The following RNF213 variants were observed in gnomAD, a reference collection of about 807,000 sequenced individuals.
RNF213 encodes the protein ring finger protein 213.
A neutral mutation model predicts 514.4 loss-of-function variants in RNF213; 341 were observed. The ratio of observed to expected loss-of-function variants is 0.66; its 90% CI spans 0.61 to 0.73. RNF213 has a LOEUF of 0.73. Ranked by LOEUF, RNF213 falls within the 30% of genes least tolerant of loss-of-function variation. The pLI is 0.00. For synonymous variants in RNF213, 2,655 were observed against 2,658.2 expected (o/e 1.00, Z 0.04); for missense variants, 5,767 against 6,615.6 (o/e 0.87, Z 4.45).
intron 15 of RNF213, among the ~76,000 whole-genome samples, chr17:80,314,121 A>T (rs200460613): frequency 1.8e-3 from 46 of 26,188 alleles, no homozygotes; most frequent in African/African-American, 6.5e-3. Context: ...GGTGGTGGTG[A>T]AGGTGATGGT....
At position 80,328,361 on chromosome 17, in the gene RNF213, G is replaced by A; in HGVS notation, c.3401G>A (p.Cys1134Tyr). 1.3e-6 allele frequency: 2 copies of A among 1,537,100 alleles called. No homozygotes were observed. Among genetic ancestry groups the A allele is most frequent in the South Asian group, 1.2e-5 (1 of 84,056 alleles). ...EKSLSPQDEQ[C>Y]AVEEALDWRR... is the part of the protein sequence containing the mutation. ...AGTCTTTCACCCCAGGATGAACAATGTGCTGTGGAGGAAGCACTGGATTGG... is the reference window on the plus strand; with the variant it reads ...AGTCTTTCACCCCAGGATGAACAATATGCTGTGGAGGAAGCACTGGATTGG... Residue 1134 changes from cysteine to tyrosine, a missense_variant, in exon 20 of 68, where the codon TGT becomes TAT. Physicochemically the swap from Cys to Tyr is radical, Grantham distance 194. Coordinates refer to ENST00000582970, the MANE Select transcript of RNF213 (RefSeq NM_001256071.3).
intron 37 of RNF213, among the ~76,000 whole-genome samples, chr17:80,359,692 C>A (rs1367449596): frequency 1.3e-5 from 2 of 152,132 alleles, no homozygotes; most frequent in Non-Finnish European, 2.9e-5. Context: ...ATTTAAAAGA[C>A]AAGGCGCTGC....
intron 16 of RNF213, among the ~76,000 whole-genome samples, chr17:80,318,965 G>A (rs189616288): frequency 6.6e-6 from 1 of 152,266 alleles, no homozygotes; most frequent in Admixed American, 6.5e-5. Flanking sequence ...TTGCAAGCCA[G>A]GTGCTTTTTC....
In RNF213 at chr17:80,273,257, C is replaced by G; in HGVS notation, c.114C>G (p.Asn38Lys). The change falls in exon 3 of 68, where the codon AAC (asparagine) becomes AAG (lysine). Residue 38 changes from asparagine to lysine, a missense_variant. Physicochemically the swap from Asn to Lys is moderately conservative, Grantham distance 94 (BLOSUM62 0). This residue lies in a region of RNF213 where 509 missense variants were observed against 496.7 expected (regional missense o/e 1.02). Coordinates refer to ENST00000582970, the MANE Select transcript of RNF213 (RefSeq NM_001256071.3). ...CCGTTACAGATTCTGAGAACAATAA[C>G]TCCACAATGGCGTCGGCCTCGGAGG... Reference protein sequence around the residue: ...AAPIADSENNNSTMASASEGE... With the variant: ...AAPIADSENNKSTMASASEGE... 6.2e-7 allele frequency: 1 copy of G among 1,613,652 alleles called. No homozygotes were observed. The highest frequency in any genetic ancestry group is 8.5e-7 in the Non-Finnish European group (1 of 1,179,974).
intron 1 of RNF213, among the ~76,000 whole-genome samples, chr17:80,262,862 G>C (rs999592928): frequency 6.6e-6 from 1 of 152,194 alleles, no homozygotes; most frequent in African/African-American, 2.4e-5. Context: ...CCTCCTGGCT[G>C]CTGAAGGCAC....
At chr17:80,366,570 T>C (rs74980179) in intron 42 of RNF213, among the ~76,000 whole-genome samples, 1,556 of 152,338 alleles carry the variant, frequency 0.01, 40 homozygotes, top group African/African-American at 0.035. Context: ...TGCCCATTTT[T>C]GAATTGGGTT....
At chr17:80,278,334 C>T (rs2044143206) in intron 3 of RNF213, among the ~76,000 whole-genome samples, 2 of 152,252 alleles carry the variant, frequency 1.3e-5, no homozygotes, top group Admixed American at 1.3e-4. Context: ...GAGGCCTGGC[C>T]TGGCTGGCCC....
Position 80,347,453 on chromosome 17 carries a change from C to T in RNF213, c.9118C>T (p.Arg3040Cys), listed in dbSNP as rs771311592. The part of the protein sequence containing the change: ...PGGEQEDAES[R>C]YLLVLTKNYV... ...TGGAGAGCAGGAAGATGCTGAGTCC[C>T]GCTACTTACTCGTGCTGACCAAAAA... Residue 3040 changes from arginine (R) to cysteine (C), a missense_variant, in exon 29 of 68, where the codon CGC (arginine) becomes TGC (cysteine). By Grantham distance (180) the Arg-to-Cys change is radical. Transcript: ENST00000582970. The surrounding 1 kb of genome is among the most constrained non-coding windows in gnomAD (Gnocchi z 7.2). The T allele has an allele frequency of 2.5e-6, 4 of 1,614,074 alleles. No individual in the cohort carries two copies. The highest frequency in any genetic ancestry group is 1.3e-5 in the African/African-American group (1 of 75,048).
intron 29 of RNF213, among the ~76,000 whole-genome samples, chr17:80,348,964 G>A (rs947336173): frequency 1.3e-5 from 2 of 152,218 alleles, no homozygotes; most frequent in African/African-American, 4.8e-5. Context: ...TGGGTGAAGG[G>A]AGTCTGATGA....
Position 80,377,746 on chromosome 17 carries a change from C to A in RNF213, c.13511-16C>A. ...TGAAACCTCATTAGCCAATGTGTGT[C>A]CTGTTCTCTTCACAGCTTGTCCCAA... On this transcript the variant is annotated splice_polypyrimidine_tract_variant and intron_variant, in intron 53 of 67. Coordinates refer to ENST00000582970, the MANE Select transcript of RNF213 (RefSeq NM_001256071.3). This position sits in a 1 kb window ranked among gnomAD's most constrained non-coding sequence, Gnocchi z 4.1. 1.2e-6 allele frequency: 2 copies of A among 1,614,110 alleles called. No homozygotes were observed. Among genetic ancestry groups the A allele is most frequent in the South Asian group, 2.2e-5 (2 of 91,084 alleles).
rs772418008 is a variant in RNF213, at chr17:80,344,852, C to T, written c.6517C>T (p.Arg2173Ter). 6.2e-6 allele frequency: 10 copies of T among 1,614,088 alleles called. No homozygotes were observed. Among genetic ancestry groups the T allele is most frequent in the South Asian group, 2.2e-5 (2 of 91,084 alleles). The stretch of plus-strand genomic sequence containing the variant: ...CCAAAGACCTTACCAGTATTTAAGA[C>T]GATTCAATCAAAACCAAGACCTAGA... ...TFQRPYQYLR[R>*]FNQNQDLDTF... Residue 2173 changes from arginine (R) to a stop codon, truncating the protein, a stop_gained, in exon 29 of 68, where the codon CGA becomes TGA. Coordinates refer to ENST00000582970, the MANE Select transcript of RNF213 (RefSeq NM_001256071.3). LOFTEE classifies it high-confidence loss of function.
intron 17 of RNF213, chr17:80,320,527 T>C (rs928214022): frequency 5.3e-5 from 8 of 152,138 alleles, no homozygotes; most frequent in Admixed American, 4.6e-4. Flanking sequence ...TTTAATTGTT[T>C]AAAGAACAAT....
intron 2 of RNF213, among the ~76,000 whole-genome samples, chr17:80,272,312 A>G (rs1297531035): frequency 2.0e-5 from 3 of 152,214 alleles, no homozygotes; most frequent in Non-Finnish European, 4.4e-5. Context: ...AAATAAAAAA[A>G]GAAAAAGAAA....
chr17:80,321,516 A>AC (rs1468727231), intron 17 of RNF213: 1 of 152,186 alleles, frequency 6.6e-6, no homozygotes. Flanking sequence ...TCCTGGGTGT[A>AC]TACCTCGATG....
chr17:80,307,792 C>T lies in RNF213; in HGVS notation c.2501+591C>T, dbSNP rs187761779. ...CTTGAACTTCTGACCTCAGGTGATC[C>T]GCCTGTCTGGGCCTCCCAAAGTGCT... On this transcript the variant is annotated intron_variant, in intron 13 of 67. Coordinates refer to ENST00000582970, the MANE Select transcript of RNF213 (RefSeq NM_001256071.3). Among the ~76,000 whole-genome samples, 11 of 151,670 alleles carry T rather than the reference C, an allele frequency of 7.3e-5. No individual in the cohort carries two copies. In the South Asian group the frequency reaches 1.9e-3, roughly 26 times the overall value.
At chr17:80,329,813 A>C (rs2046366797) in intron 20 of RNF213, among the ~76,000 whole-genome samples, 1 of 152,236 alleles carries the variant, frequency 6.6e-6, no homozygotes, top group South Asian at 2.1e-4. Context: ...CTTGGGTGAC[A>C]GAGTGGGACC....
intron 30 of RNF213, 67 bp downstream of exon 30, chr17:80,349,973 C>G: frequency 6.4e-7 from 1 of 1,572,962 alleles, no homozygotes; most frequent in Non-Finnish European, 8.7e-7. Flanking sequence ...TTCTGCGTGG[C>G]GATGGTACCC....
rs2046440794 is a variant in RNF213, at chr17:80,332,423, A to G, written c.3935A>G (p.Asn1312Ser). 8 of 1,537,214 alleles carry G rather than the reference A, an allele frequency of 5.2e-6. No individual in the cohort carries two copies. The highest frequency in any genetic ancestry group is 1.4e-5 in the African/African-American group (1 of 73,168). Residue 1312 changes from asparagine to serine, a missense_variant, in exon 21 of 68, where the codon AAT (asparagine) becomes AGT (serine). This residue lies in a region of RNF213 where 516 missense variants were observed against 566.5 expected (regional missense o/e 0.91). Transcript: ENST00000582970. ...EIDVIFKDFVNKYTDLDSELK... is the reference protein window; with the variant it reads ...EIDVIFKDFVSKYTDLDSELK... The stretch of plus-strand genomic sequence containing the variant: ...GATGTCATCTTCAAGGACTTTGTGA[A>G]TAAATACACGGACCTGGATTCAGAA...
intron 49 of RNF213, among the ~76,000 whole-genome samples, 163 bp from the exon 50 acceptor site, chr17:80,374,295 G>A (rs2079651496): frequency 6.6e-6 from 1 of 152,228 alleles, no homozygotes; most frequent in African/African-American, 2.4e-5. Flanking sequence ...AGCTCCCTGC[G>A]AAGAGGGCAC....
Sources: allele counts gnomAD v4.1 joint callset (sites outside exome capture counted in the v4.1 genomes callset), GRCh38; gene constraint gnomAD v4.1.1; regional missense constraint gnomAD v4.1.1; non-coding constraint Gnocchi (gnomAD v3.1); transcripts MANE v1.5; gene names NCBI Gene and HGNC (gene_info 2026-07-23, HGNC 2026-07-21).